Variants in ATP5MC1 observed in about 807,000 individuals in gnomAD.
ATP5MC1 encodes ATP synthase F(0) complex subunit C1, mitochondrial.
Under a neutral mutation model 12.1 loss-of-function variants are expected in ATP5MC1, and 4 were observed. The observed-to-expected ratio is 0.33, with a 90% CI of 0.16 to 0.76. The LOEUF (loss-of-function observed/expected upper bound fraction) is 0.76, where lower values mean the gene tolerates loss of function less well. Among genes scored for constraint, ATP5MC1 ranks in the 30% least tolerant of loss-of-function variants. The pLI is 0.61. For synonymous variants in ATP5MC1, 52 were observed against 66.0 expected (o/e 0.79, Z 1.03); for missense variants, 117 against 172.1 (o/e 0.68, Z 1.79).
rs766520432 is a variant in ATP5MC1 at position 48,895,740 on chromosome 17, G to A, written c.382G>A (p.Val128Ile). The change falls in exon 5 of 5, where the codon GTC (valine) becomes ATC (isoleucine). Residue 128 changes from valine to isoleucine, a missense_variant. Physicochemically the swap from Val to Ile is conservative, Grantham distance 29. Transcript: ENST00000393366. Reference sequence around the variant, plus strand: ...GGCCATGGGGCTTTTCTGTTTGATGGTCGCCTTCCTCATCCTCTTCGCCAT... The same window carrying A: ...GGCCATGGGGCTTTTCTGTTTGATGATCGCCTTCCTCATCCTCTTCGCCAT... ...SEAMGLFCLMVAFLILFAM is the reference protein window; with the variant it reads ...SEAMGLFCLMIAFLILFAM 1.9e-6 allele frequency: 3 copies of A among 1,611,486 alleles called. No homozygotes were observed. Among genetic ancestry groups the A allele is most frequent in the South Asian group, 1.1e-5 (1 of 90,930 alleles).
In ATP5MC1 at chr17:48,895,148, C is replaced by T. The variant is rs2040560309; in HGVS notation, c.118-8C>T. 6.3e-7 allele frequency: 1 copy of T among 1,597,960 alleles called. No homozygotes were observed. The highest frequency in any genetic ancestry group is 1.7e-5 in the Admixed American group (1 of 59,532). ...CTGCTATCTCGCCTGCCTTGCTTCT[C>T]TTTCTAGCCTTCCTACAGCAACTTC... On this transcript the variant is annotated splice_region_variant and splice_polypyrimidine_tract_variant and intron_variant, in intron 3 of 4. Coordinates refer to ENST00000393366, the MANE Select transcript of ATP5MC1 (RefSeq NM_005175.3).
In ATP5MC1 at chr17:48,894,779, A is replaced by T. The variant is rs1257075193; in HGVS notation, c.117+330A>T. The T allele has an allele frequency of 3.8e-5, 20 of 520,056 alleles. 1 individual carries two copies. The highest frequency in any genetic ancestry group is 5.9e-5 in the Non-Finnish European group (16 of 271,144). The allele number at this position is 520,056 out of a possible 1,614,324, so 32.2% of individuals were successfully genotyped here. A position where few individuals can be genotyped will look rare whatever the true frequency, so the allele number is the denominator to read the frequency against. The stretch of plus-strand genomic sequence containing the variant: ...CTGACTCATAAAAACCCATTAATTA[A>T]TTTTTTTTAAATCAAGGAATGTTCC... On this transcript the variant is annotated intron_variant, in intron 3 of 4. Transcript: ENST00000393366.
chr17:48,893,245 G>A, intron 1 of ATP5MC1, 164 bp from the exon 2 acceptor site: 1 of 642,178 alleles, frequency 1.6e-6, no homozygotes, highest in Non-Finnish European at 2.7e-6. Context: ...CCACTGCTCT[G>A]TCCCTCTGAC....
intron 3 of ATP5MC1, 47 bp downstream of exon 3, chr17:48,894,496 G>A (rs1224081301): frequency 1.3e-5 from 20 of 1,581,738 alleles, no homozygotes; most frequent in Non-Finnish European, 1.7e-5. Context: ...GGCCCAGGAT[G>A]GTGGCTCACA....
At position 48,895,303 on chromosome 17, in the gene ATP5MC1, G is replaced by A. The variant is rs768584646; in HGVS notation, c.265G>A (p.Val89Met). Residue 89 changes from valine (V) to methionine (M), a missense_variant, in exon 4 of 5, where the codon GTG (valine) becomes ATG (methionine). Transcript: ENST00000393366. The stretch of plus-strand genomic sequence containing the variant: ...TGGTTCAGGGGCTGGCATTGGAACC[G>A]TGTTTGGCAGCTTGATCATTGGCTA... ...VAGSGAGIGT[V>M]FGSLIIGYAR... The A allele has an allele frequency of 1.5e-5, 24 of 1,597,468 alleles. No homozygotes were observed. Among genetic ancestry groups the A allele is most frequent in the Non-Finnish European group, 1.9e-5 (22 of 1,166,704 alleles).
chr17:48,893,568 G>C (rs1345711710), intron 2 of ATP5MC1, 112 bp downstream of exon 2: 4 of 1,249,074 alleles, frequency 3.2e-6, no homozygotes, highest in Non-Finnish European at 4.6e-6. Flanking sequence ...TAGGCTCTTT[G>C]AGGTGGCTGT....
chr17:48,893,657 C>T (rs2040549211), intron 2 of ATP5MC1: 1 of 633,396 alleles, frequency 1.6e-6, no homozygotes, highest in Admixed American at 2.8e-5. Context: ...GTCAGAGAGT[C>T]TGGATTTGAT....
At chr17:48,895,414 C>T (rs904881995) in intron 4 of ATP5MC1, 80 bp downstream of exon 4, 1 of 1,500,358 alleles carries the variant, frequency 6.7e-7, no homozygotes, top group Non-Finnish European at 9.0e-7. Context: ...GAGCTCCCTT[C>T]AGGAGCCTTC....
At position 48,895,218 on chromosome 17, in the gene ATP5MC1, C is replaced by G; in HGVS notation, c.180C>G (p.Ser60=). Residue 60 remains serine (S), a synonymous_variant, in exon 4 of 5, where the codon TCC becomes TCG. Transcript: ENST00000393366. ...ARREFQTSVV[S]RDIDTAAKFI... is the part of the protein sequence containing the mutation. ...GGGAGTTCCAGACCAGTGTTGTCTC[C>G]CGGGACATTGACACAGCAGCCAAGT... 6.2e-7 allele frequency: 1 copy of G among 1,612,566 alleles called. No individual in the cohort carries two copies. The highest frequency in any genetic ancestry group is 8.5e-7 in the Non-Finnish European group (1 of 1,178,710).
At chr17:48,895,578 C>A in intron 4 of ATP5MC1, 77 bp from the exon 5 acceptor site, 1 of 1,389,174 alleles carries the variant, frequency 7.2e-7, no homozygotes, top group Non-Finnish European at 1.0e-6. Flanking sequence ...AGTCCCCATT[C>A]ACCTCACCCT....
intron 1 of ATP5MC1, 153 bp from the exon 2 acceptor site, chr17:48,893,256 C>T (rs1251922654): frequency 1.0e-5 from 7 of 698,884 alleles, no homozygotes; most frequent in Non-Finnish European, 1.6e-5. Context: ...TCCCTCTGAC[C>T]TCTAATGCCC....
intron 4 of ATP5MC1, 46 bp downstream of exon 4, chr17:48,895,380 C>T (rs764478279): frequency 5.2e-6 from 8 of 1,541,184 alleles, no homozygotes; most frequent in South Asian, 1.3e-5. Context: ...AATTCCACCC[C>T]GTTTGGGGAA....
intron 4 of ATP5MC1, 31 bp from the exon 5 acceptor site, chr17:48,895,624 C>T (rs1335662570): frequency 6.3e-7 from 1 of 1,596,278 alleles, no homozygotes; most frequent in Non-Finnish European, 8.6e-7. Flanking sequence ...CTTCCTCTCC[C>T]TCAACTGGCA....
chr17:48,895,101 G>C, intron 3 of ATP5MC1, 55 bp from the exon 4 acceptor site: 1 of 1,565,342 alleles, frequency 6.4e-7, no homozygotes, highest in Admixed American at 1.8e-5. Flanking sequence ...TCAGCCACCT[G>C]TCCTTATGCC....
chr17:48,893,546 G>C, intron 2 of ATP5MC1, 90 bp downstream of exon 2: 1 of 1,460,156 alleles, frequency 6.8e-7, no homozygotes, highest in Non-Finnish European at 9.5e-7. Flanking sequence ...GGAGCTTGGC[G>C]TCCTGATGAT....
rs1301107889 is a variant in ATP5MC1, at chr17:48,895,761, GCCATGTGAGGCTCCATGGGGGGGTCA to G, written c.406_*20del. 1 of 1,530,098 alleles carries G rather than the reference GCCATGTGAGGCTCCATGGGGGGGTCA, an allele frequency of 6.5e-7. No individual in the cohort carries two copies. Among genetic ancestry groups the G allele is most frequent in the East Asian group, 2.4e-5 (1 of 41,946 alleles). 94.8% of individuals were successfully genotyped at this position (1,530,098 alleles called of 1,614,324 possible). A position where few individuals can be genotyped will look rare whatever the true frequency, so the allele number is the denominator to read the frequency against. On this transcript the variant is annotated stop_lost and 3_prime_UTR_variant, in exon 5 of 5. Coordinates refer to ENST00000393366, the MANE Select transcript of ATP5MC1 (RefSeq NM_005175.3). ...GATGGTCGCCTTCCTCATCCTCTTC[GCCATGTGAGGCTCCATGGGGGGGTCA>G]CCGGCCTGTTGCTACTGCAACTCCA...
At position 48,895,810 on chromosome 17, in the gene ATP5MC1, C is replaced by G; in HGVS notation, c.*41C>G. The G allele has an allele frequency of 6.5e-7, 1 of 1,527,944 alleles. No individual in the cohort carries two copies. Among genetic ancestry groups the G allele is most frequent in the Non-Finnish European group, 9.1e-7 (1 of 1,104,230 alleles). The allele number at this position is 1,527,944 out of a possible 1,614,324, so 94.6% of individuals were successfully genotyped here. On this transcript the variant is annotated 3_prime_UTR_variant, in exon 5 of 5. Transcript: ENST00000393366. ...TCACCGGCCTGTTGCTACTGCAACT[C>G]CACACCATTCTTGGTGCTGGGGTGT... is the stretch of plus-strand genomic sequence containing the variant.
At chr17:48,894,758 C>T in intron 3 of ATP5MC1, 1 of 528,938 alleles carries the variant, frequency 1.9e-6, no homozygotes, top group Non-Finnish European at 3.6e-6. Context: ...AAGACCCTGA[C>T]TCATAAAAAC....
intron 4 of ATP5MC1, 107 bp downstream of exon 4, chr17:48,895,441 C>T (rs1490291185): frequency 1.1e-5 from 16 of 1,456,562 alleles, no homozygotes; most frequent in Admixed American, 2.3e-5. Context: ...ATTTCATCTA[C>T]ATCATAGTTT....
Sources: allele counts gnomAD v4.1 joint callset, GRCh38; gene constraint gnomAD v4.1.1; transcripts MANE v1.5; gene names NCBI Gene and HGNC (gene_info 2026-07-23, HGNC 2026-07-21).